WDR7: variants seen among roughly 807,000 people sequenced by gnomAD.
The protein encoded by WDR7 is WD repeat domain 7.
Under a neutral mutation model 169.4 loss-of-function variants are expected in WDR7, and 46 were observed. The ratio of observed to expected loss-of-function variants is 0.27; its 90% confidence interval spans 0.21 to 0.35. The LOEUF (loss-of-function observed/expected upper bound fraction) is 0.35. Ranked by LOEUF, WDR7 falls within the 10% of genes least tolerant of loss-of-function variation. The pLI is 1.00. For synonymous variants in WDR7, 612 were observed against 666.8 expected (o/e 0.92, Z 1.27); for missense variants, 1,534 against 1,859.3 (o/e 0.83, Z 3.22).
chr18:56,915,465 G>A (rs2046611777), intron 21 of WDR7, among the ~76,000 whole-genome samples: 1 of 152,146 alleles, frequency 6.6e-6, no homozygotes, highest in Admixed American at 6.5e-5. Context: ...ATAGGAATTT[G>A]GTTGTAATTG....
chr18:56,744,272 AAGAG>A (rs2043669773), intron 14 of WDR7, among the ~76,000 whole-genome samples: 1 of 145,764 alleles, frequency 6.9e-6, no homozygotes, highest in Non-Finnish European at 1.5e-5. Flanking sequence ...AAAAAAAAGA[AAGAG>A]CACAGGCTGG....
intron 23 of WDR7, among the ~76,000 whole-genome samples, 166 bp from the exon 24 acceptor site, chr18:56,938,367 G>A (rs2046987069): frequency 1.3e-5 from 2 of 152,128 alleles, no homozygotes; most frequent in Admixed American, 6.5e-5. Context: ...TACCTATTGA[G>A]TTTTTATTAT....
chr18:56,997,250 A>G (rs910881288), intron 26 of WDR7, among the ~76,000 whole-genome samples: 11 of 152,232 alleles, frequency 7.2e-5, no homozygotes, highest in African/African-American at 2.7e-4. Context: ...GATTTGATCA[A>G]TAATCTCACA....
chr18:56,790,629 C>G (rs1252865753), intron 19 of WDR7, among the ~76,000 whole-genome samples: 2 of 151,814 alleles, frequency 1.3e-5, no homozygotes, highest in Non-Finnish European at 2.9e-5. Context: ...TTAATCCATT[C>G]TTTCTCTTCC....
chr18:56,742,207 C>A (rs997010503), intron 14 of WDR7, among the ~76,000 whole-genome samples: 5 of 152,086 alleles, frequency 3.3e-5, no homozygotes, highest in African/African-American at 4.8e-5. Context: ...GGAGAAATTT[C>A]TTTTACTATC....
chr18:57,005,058 A>G (rs180882691), intron 26 of WDR7, among the ~76,000 whole-genome samples: 15 of 152,298 alleles, frequency 9.8e-5, no homozygotes, highest in Admixed American at 8.5e-4. Flanking sequence ...TGACACCTGA[A>G]CAGTCATAAA....
downstream of WDR7, chr18:57,033,213 G>A (rs2048451658): frequency 6.6e-6 from 1 of 152,122 alleles, no homozygotes; most frequent in Admixed American, 6.5e-5. Context: ...TGAGAACACA[G>A]GAAGTGATCG....
At chr18:56,820,475 A>AT (rs1239606453) in intron 20 of WDR7, among the ~76,000 whole-genome samples, 2 of 150,752 alleles carry the variant, frequency 1.3e-5, no homozygotes, top group Non-Finnish European at 2.9e-5. Flanking sequence ...TTTTTGATGC[A>AT]TTTTTTGTTA....
At chr18:56,712,168 G>A (rs2026101437) in intron 12 of WDR7, among the ~76,000 whole-genome samples, 1 of 152,202 alleles carries the variant, frequency 6.6e-6, no homozygotes, top group Admixed American at 6.5e-5. Flanking sequence ...GGAAAGTGGA[G>A]TCATCTCCCC....
chr18:56,713,545 G>C lies in WDR7; in HGVS notation c.1579-4419G>C, dbSNP rs544550681. On this transcript the variant is annotated intron_variant, in intron 12 of 27. Transcript: ENST00000254442. ...TAAATATTTTTCAAATAAGTTTAAA[G>C]ATAAGAGGTTCACATTTTTTAGTTG... 2.0e-5 allele frequency among the ~76,000 whole-genome samples: 3 copies of C among 152,258 alleles called. No individual in the cohort carries two copies. The South Asian group carries it at 6.2e-4, about 32-fold the overall frequency.
chr18:56,777,313 T>C (rs2044255483), intron 17 of WDR7, among the ~76,000 whole-genome samples: 1 of 152,182 alleles, frequency 6.6e-6, no homozygotes, highest in African/African-American at 2.4e-5. Context: ...AACATTCTCA[T>C]TGGAAAAGTC....
chr18:56,821,635 C>T (rs2045097858), intron 20 of WDR7, among the ~76,000 whole-genome samples: 1 of 139,516 alleles, frequency 7.2e-6, no homozygotes, highest in Admixed American at 8.1e-5. Context: ...CATTATTCCC[C>T]CTGCATACCC....
intron 25 of WDR7, among the ~76,000 whole-genome samples, chr18:56,946,508 T>A (rs1444680252): frequency 6.6e-6 from 1 of 152,220 alleles, no homozygotes; most frequent in Non-Finnish European, 1.5e-5. Context: ...AATTTTAAAA[T>A]TTGCCTTGGG....
At chr18:56,767,690 A>G (rs2044088854) in intron 16 of WDR7, among the ~76,000 whole-genome samples, 1 of 152,124 alleles carries the variant, frequency 6.6e-6, no homozygotes, top group Non-Finnish European at 1.5e-5. Context: ...CCAAATATCT[A>G]TTATTTTATA....
At position 56,913,727 on chromosome 18, in the gene WDR7, A is replaced by G. The variant is rs115988481; in HGVS notation, c.3527-10195A>G. On this transcript the variant is annotated intron_variant, in intron 21 of 27. Transcript: ENST00000254442. ...GGAGGATCGCGTGAGCCCAGTAGGT[A>G]TAGGCTGCAGTGAACTGTGATCACA... Among the ~76,000 whole-genome samples the G allele has an allele frequency of 1.5e-3, 232 of 152,112 alleles. 2 individuals are homozygous for G. Among genetic ancestry groups the G allele is most frequent in the African/African-American group, 5.4e-3 (224 of 41,474 alleles).
intron 20 of WDR7, among the ~76,000 whole-genome samples, chr18:56,837,834 A>G (rs757262996): frequency 3.1e-4 from 47 of 152,014 alleles, no homozygotes; most frequent in Non-Finnish European, 4.3e-4. Flanking sequence ...TAATTTTTGT[A>G]TTTTTAGTAG....
intron 21 of WDR7, among the ~76,000 whole-genome samples, chr18:56,910,721 C>A (rs566995818): frequency 6.6e-6 from 1 of 152,132 alleles, no homozygotes; most frequent in South Asian, 2.1e-4. Flanking sequence ...TGTTATGCTT[C>A]TTTTTTGTCT....
intron 21 of WDR7, among the ~76,000 whole-genome samples, chr18:56,901,737 C>T (rs148097961): frequency 2.0e-3 from 297 of 152,104 alleles, no homozygotes; most frequent in African/African-American, 6.8e-3. Context: ...AAGAAATGGT[C>T]CCTATAATCT....
chr18:57,005,940 A>T (rs1379199286), intron 26 of WDR7, among the ~76,000 whole-genome samples: 2 of 152,232 alleles, frequency 1.3e-5, no homozygotes, highest in African/African-American at 4.8e-5. Context: ...AATAAAAATT[A>T]TGCTTCTACT....
Sources: gnomAD v4.1 joint callset for allele counts (sites outside exome capture counted in the v4.1 genomes callset) on GRCh38, gnomAD v4.1.1 for gene constraint, MANE v1.5 for transcripts, NCBI Gene and HGNC (gene_info 2026-07-23, HGNC 2026-07-21) for gene names.